The following LRFN5 variants were observed in gnomAD, a reference collection of about 807,000 sequenced individuals.
LRFN5 encodes the protein leucine-rich repeat and fibronectin type-III domain-containing protein 5.
A neutral mutation model predicts 45.6 loss-of-function variants in LRFN5; 24 were observed. That is an observed-to-expected ratio of 0.53 (90% CI 0.38 to 0.74). LRFN5 has a LOEUF of 0.74. Ranked by LOEUF, LRFN5 falls within the 30% of genes least tolerant of loss-of-function variation. The pLI, the probability that LRFN5 is intolerant of heterozygous loss-of-function variation, is 0.00. For missense variants in LRFN5, 776 were observed against 861.5 expected, an observed-to-expected ratio of 0.90 and a Z score of 1.24; for synonymous variants, 340 against 313.8, an observed-to-expected ratio of 1.08 and a Z score of -0.88.
At chr14:41,695,745 T>C (rs1882582485) in intron 1 of LRFN5, among the ~76,000 whole-genome samples, 1 of 151,970 alleles carries the variant, frequency 6.6e-6, no homozygotes, top group African/African-American at 2.4e-5. Flanking sequence ...TTTCAAAATA[T>C]TACTGCTCAT....
intron 1 of LRFN5, among the ~76,000 whole-genome samples, chr14:41,696,596 T>C (rs1028034365): frequency 6.6e-6 from 1 of 151,964 alleles, no homozygotes; most frequent in African/African-American, 2.4e-5. Context: ...AGAAGAGCAA[T>C]TGCTGGATTA....
chr14:41,852,388 A>G (rs1272227408), intron 2 of LRFN5, among the ~76,000 whole-genome samples: 2 of 151,952 alleles, frequency 1.3e-5, no homozygotes, highest in African/African-American at 4.8e-5. Context: ...ATGAATTTTC[A>G]GCATGTCACT....
chr14:41,898,982 A>G, intron 5 of LRFN5, 22 bp downstream of exon 5: 1 of 1,588,312 alleles, frequency 6.3e-7, no homozygotes, highest in South Asian at 1.1e-5. Flanking sequence ...ATTACCTATA[A>G]CTTACTTCAA....
chr14:41,846,130 C>T (rs940484498), intron 2 of LRFN5, among the ~76,000 whole-genome samples: 1 of 151,998 alleles, frequency 6.6e-6, no homozygotes, highest in African/African-American at 2.4e-5. Flanking sequence ...TGTGTCCATA[C>T]ACTGCTAGTG....
chr14:41,890,266 G>A (rs112037852), intron 3 of LRFN5, among the ~76,000 whole-genome samples: 14 of 152,138 alleles, frequency 9.2e-5, no homozygotes, highest in African/African-American at 3.4e-4. Flanking sequence ...AACGGGATGA[G>A]GGATTTATGC....
chr14:41,872,789 G>C (rs1411443136), intron 2 of LRFN5, among the ~76,000 whole-genome samples: 1 of 152,100 alleles, frequency 6.6e-6, no homozygotes, highest in Non-Finnish European at 1.5e-5. Flanking sequence ...CAATGCAATG[G>C]GTAAAAATTA....
intron 1 of LRFN5, among the ~76,000 whole-genome samples, chr14:41,697,732 A>C (rs1452446096): frequency 1.3e-5 from 2 of 151,286 alleles, no homozygotes; most frequent in African/African-American, 2.4e-5. Context: ...CCTACTTAAG[A>C]TATGACTATT....
chr14:41,688,049 G>A (rs534664773), intron 1 of LRFN5, among the ~76,000 whole-genome samples: 3 of 152,178 alleles, frequency 2.0e-5, no homozygotes, highest in Non-Finnish European at 4.4e-5. Flanking sequence ...TATGTTAAGT[G>A]TGGTAAACCA....
rs374199959 is a variant in LRFN5, at chr14:41,886,694, T to A, written c.69T>A (p.Arg23=). ...IAVKAQICPK[R]CVCQILSPNL... ...TGAAAGCTCAGATCTGTCCAAAGCG[T>A]TGTGTCTGTCAGATTTTGTCTCCTA... Residue 23 remains arginine (R), a synonymous_variant, in exon 3 of 6, where the codon CGT becomes CGA. Transcript: ENST00000298119. 1 of 1,614,038 alleles carries A rather than the reference T, an allele frequency of 6.2e-7. No individual in the cohort carries two copies. Among genetic ancestry groups the A allele is most frequent in the East Asian group, 2.2e-5 (1 of 44,866 alleles).
intron 1 of LRFN5, among the ~76,000 whole-genome samples, chr14:41,718,641 G>C (rs1883589151): frequency 6.6e-6 from 1 of 152,170 alleles, no homozygotes; most frequent in Admixed American, 6.6e-5. Context: ...AGCATAGTCA[G>C]TTCCCTCAAA....
intron 1 of LRFN5, among the ~76,000 whole-genome samples, chr14:41,754,052 A>G (rs948874965): frequency 1.1e-4 from 16 of 152,138 alleles, no homozygotes; most frequent in Non-Finnish European, 2.2e-4. Context: ...TTCTGTTTGT[A>G]TGCTGGATTA....
chr14:41,652,263 G>T (rs1273855904), intron 1 of LRFN5, among the ~76,000 whole-genome samples: 1 of 151,888 alleles, frequency 6.6e-6, no homozygotes, highest in Admixed American at 6.6e-5. Flanking sequence ...GTAGCATGTT[G>T]ACAATATTAT....
intron 2 of LRFN5, among the ~76,000 whole-genome samples, chr14:41,814,468 G>A (rs1258259204): frequency 1.3e-5 from 2 of 152,202 alleles, no homozygotes; most frequent in African/African-American, 2.4e-5. Flanking sequence ...AGATTTACTG[G>A]TAGTACCCAG....
At chr14:41,821,673 T>C (rs1184658360) in intron 2 of LRFN5, among the ~76,000 whole-genome samples, 1 of 151,816 alleles carries the variant, frequency 6.6e-6, no homozygotes, top group Non-Finnish European at 1.5e-5. Flanking sequence ...TTCCTCTTTT[T>C]TGATTTTTTT....
intron 1 of LRFN5, among the ~76,000 whole-genome samples, chr14:41,712,244 G>A (rs1883314061): frequency 6.6e-6 from 1 of 152,034 alleles, no homozygotes; most frequent in African/African-American, 2.4e-5. Flanking sequence ...TAAAAACTCT[G>A]TAAGATTTAT....
chr14:41,726,957 A>AT (rs1404918969), intron 1 of LRFN5, among the ~76,000 whole-genome samples: 1 of 152,110 alleles, frequency 6.6e-6, no homozygotes, highest in Non-Finnish European at 1.5e-5. Flanking sequence ...TTTACCAGTT[A>AT]TTTTTTGTTT....
Position 41,741,741 on chromosome 14 carries a change from T to C in LRFN5, c.-196-25113T>C, listed in dbSNP as rs56356795. Among the ~76,000 whole-genome samples, 992 of 151,392 alleles carry C rather than the reference T, an allele frequency of 6.6e-3. 6 individuals carry two copies. The highest frequency in any genetic ancestry group is 8.3e-3 in the Non-Finnish European group (567 of 67,908). ...GCTTTGATGCAGCAAAGACAACAAT[T>C]TACATAGTGGAGAGATAGCCCACAA... On this transcript the variant is annotated intron_variant, in intron 1 of 5. Coordinates refer to ENST00000298119, the MANE Select transcript of LRFN5 (RefSeq NM_152447.5).
intron 1 of LRFN5, among the ~76,000 whole-genome samples, chr14:41,629,573 TG>T (rs1323278044): frequency 6.6e-6 from 1 of 152,234 alleles, no homozygotes; most frequent in Non-Finnish European, 1.5e-5. Flanking sequence ...ATAACTAAAT[TG>T]TTTGTAGTTC....
chr14:41,620,470 C>T (rs1446903958), intron 1 of LRFN5, among the ~76,000 whole-genome samples: 1 of 151,980 alleles, frequency 6.6e-6, no homozygotes, highest in Non-Finnish European at 1.5e-5. Flanking sequence ...ACATGTGTCA[C>T]TCTTATTAAG....
Sources: gnomAD v4.1 joint callset for allele counts (sites outside exome capture counted in the v4.1 genomes callset) on GRCh38, gnomAD v4.1.1 for gene constraint, MANE v1.5 for transcripts, NCBI Gene and HGNC (gene_info 2026-07-23, HGNC 2026-07-21) for gene names.